KHDRBS2: variants seen among roughly 807,000 people sequenced by gnomAD.
The protein encoded by KHDRBS2 is KH RNA binding domain containing, signal transduction associated 2.
KHDRBS2 carries 26 observed loss-of-function variants against 44.3 expected under a neutral mutation model. The ratio of observed to expected loss-of-function variants is 0.59; its 90% CI spans 0.43 to 0.81. KHDRBS2 has a LOEUF of 0.81. KHDRBS2 is among the 40% of genes least tolerant of loss of function. KHDRBS2 has a pLI of 0.00. For synonymous variants in KHDRBS2, 194 were observed against 151.1 expected (o/e 1.28, Z -2.08); for missense variants, 476 against 433.1 (o/e 1.10, Z -0.88).
At chr6:62,027,291 A>G (rs1783541361) in intron 3 of KHDRBS2, among the ~76,000 whole-genome samples, 1 of 152,132 alleles carries the variant, frequency 6.6e-6, no homozygotes, top group South Asian at 2.1e-4. Context: ...AACTGCATTT[A>G]ATATTTAAAA....
intron 1 of KHDRBS2, among the ~76,000 whole-genome samples, chr6:62,211,333 A>T (rs1829008709): frequency 6.6e-6 from 1 of 152,178 alleles, no homozygotes; most frequent in Admixed American, 6.5e-5. Context: ...TGTTACATAG[A>T]CTAATAATGC....
At chr6:62,058,361 T>C (rs1227812395) in intron 2 of KHDRBS2, among the ~76,000 whole-genome samples, 1 of 151,790 alleles carries the variant, frequency 6.6e-6, no homozygotes, top group Non-Finnish European at 1.5e-5. Context: ...TCCTAACAAT[T>C]GAAAATATTG....
Position 61,680,639 on chromosome 6 carries a change from C to CA in KHDRBS2, c.*323dup, listed in dbSNP as rs200395967. 0.41 allele frequency: 53,273 copies of CA among 131,086 alleles called. 10,100 individuals are homozygous for CA. Among genetic ancestry groups the CA allele is most frequent in the East Asian group, 0.5 (2,292 of 4,550 alleles). 8.1% of individuals were successfully genotyped at this position (131,086 alleles called of 1,614,324 possible). A position where few individuals can be genotyped will look rare whatever the true frequency, so the allele number is the denominator to read the frequency against. ...CTGTTAACAAATTCATGCTTTTCCT[C>CA]AAAAAAAAAAAAAAGAAAAAGAAAA... On this transcript the variant is annotated 3_prime_UTR_variant, in exon 9 of 9. Transcript: ENST00000281156.
chr6:61,948,994 A>G (rs925916404), intron 4 of KHDRBS2, among the ~76,000 whole-genome samples: 1 of 152,018 alleles, frequency 6.6e-6, no homozygotes, highest in Non-Finnish European at 1.5e-5. Flanking sequence ...CTGATATACA[A>G]GAAGAAACTC....
At chr6:61,961,182 A>G (rs950909550) in intron 4 of KHDRBS2, among the ~76,000 whole-genome samples, 1 of 152,132 alleles carries the variant, frequency 6.6e-6, no homozygotes, top group Non-Finnish European at 1.5e-5. Flanking sequence ...TCGTTGATTA[A>G]GCCAACAATT....
intron 4 of KHDRBS2, among the ~76,000 whole-genome samples, chr6:61,952,535 G>T (rs1399545512): frequency 3.3e-5 from 5 of 151,940 alleles, no homozygotes; most frequent in African/African-American, 7.2e-5. Context: ...GTAATTGTTG[G>T]TTTTTTGCAA....
At chr6:61,900,141 C>T (rs923311290) in intron 5 of KHDRBS2, among the ~76,000 whole-genome samples, 2 of 151,906 alleles carry the variant, frequency 1.3e-5, no homozygotes, top group Admixed American at 1.3e-4. Context: ...CAGAATTACC[C>T]CATTTTACCT....
At chr6:61,805,285 C>T (rs1786970535) in intron 6 of KHDRBS2, among the ~76,000 whole-genome samples, 1 of 152,050 alleles carries the variant, frequency 6.6e-6, no homozygotes, top group Non-Finnish European at 1.5e-5. Context: ...TATTCCAGTC[C>T]CCAAGTTCCT....
At chr6:61,939,542 A>G (rs1811727739) in intron 4 of KHDRBS2, among the ~76,000 whole-genome samples, 2 of 132,830 alleles carry the variant, frequency 1.5e-5, no homozygotes, top group Admixed American at 8.4e-5. Context: ...TAAATGAACA[A>G]TGGGTAAAAA....
chr6:62,252,701 A>G (rs1287842501), intron 1 of KHDRBS2, among the ~76,000 whole-genome samples: 1 of 152,028 alleles, frequency 6.6e-6, no homozygotes, highest in Non-Finnish European at 1.5e-5. Flanking sequence ...TTGATTATTT[A>G]AAAGAATAGA....
intron 8 of KHDRBS2, among the ~76,000 whole-genome samples, chr6:61,695,859 T>C (rs942969760): frequency 2.0e-5 from 3 of 152,162 alleles, no homozygotes; most frequent in Non-Finnish European, 4.4e-5. Context: ...CATCAGGACG[T>C]GCCCTTCGCC....
At chr6:61,676,523 A>G (rs1765953476), downstream of KHDRBS2, among the ~76,000 whole-genome samples, 1 of 151,832 alleles carries the variant, frequency 6.6e-6, no homozygotes, top group Non-Finnish European at 1.5e-5. Flanking sequence ...TATTGTGTCC[A>G]CTGACAACAT....
intron 3 of KHDRBS2, among the ~76,000 whole-genome samples, chr6:62,038,829 A>C (rs562470527): frequency 6.6e-6 from 1 of 152,162 alleles, no homozygotes; most frequent in African/African-American, 2.4e-5. Context: ...TAACAACAAC[A>C]ACCTTTGCAT....
chr6:61,691,712 CT>C (rs1312343930), intron 8 of KHDRBS2, among the ~76,000 whole-genome samples: 1 of 151,998 alleles, frequency 6.6e-6, no homozygotes, highest in Non-Finnish European at 1.5e-5. Flanking sequence ...AATTAAATGG[CT>C]GCCACAACTG....
chr6:61,876,708 C>A (rs778582280), intron 6 of KHDRBS2, among the ~76,000 whole-genome samples: 26 of 151,916 alleles, frequency 1.7e-4, no homozygotes, highest in Non-Finnish European at 2.9e-4. Flanking sequence ...AGCTTGAAAT[C>A]AAAAATAAGT....
the KHDRBS2 span, among the ~76,000 whole-genome samples, chr6:61,597,307 A>T: frequency 2.0e-4 from 30 of 152,082 alleles, no homozygotes; most frequent in African/African-American, 7.0e-4. Flanking sequence ...TTTAGTTGGG[A>T]GGTGACTTTA....
chr6:62,151,584 C>A (rs533251457), intron 2 of KHDRBS2, among the ~76,000 whole-genome samples: 135 of 152,250 alleles, frequency 8.9e-4, no homozygotes, highest in Middle Eastern at 3.4e-3. Context: ...TAATCTGAAA[C>A]AGACAATGGC....
At chr6:62,063,424 A>C (rs1170363223) in intron 2 of KHDRBS2, among the ~76,000 whole-genome samples, 2 of 151,430 alleles carry the variant, frequency 1.3e-5, no homozygotes, top group African/African-American at 2.4e-5. Flanking sequence ...CAAAAAGCTT[A>C]CCCACCATGA....
At chr6:62,001,808 A>C (rs754201079) in intron 3 of KHDRBS2, among the ~76,000 whole-genome samples, 1 of 152,206 alleles carries the variant, frequency 6.6e-6, no homozygotes, top group African/African-American at 2.4e-5. Flanking sequence ...TCAGAGGTGA[A>C]AAGTTATTGA....
Sources: gnomAD v4.1 joint callset for allele counts (sites outside exome capture counted in the v4.1 genomes callset) on GRCh38, gnomAD v4.1.1 for gene constraint, MANE v1.5 for transcripts, NCBI Gene and HGNC (gene_info 2026-07-23, HGNC 2026-07-21) for gene names.